Variants in GPR39 observed in about 807,000 individuals in gnomAD.
GPR39 encodes the protein G protein-coupled receptor 39, also known as zinc sensing receptor.
Under a neutral mutation model 18.4 loss-of-function variants are expected in GPR39, and 23 were observed. The observed-to-expected ratio is 1.25, with a 90% CI of 0.90 to 1.77. The LOEUF (loss-of-function observed/expected upper bound fraction) is 1.77. GPR39 is among the 40% of genes most tolerant of loss of function. The probability of loss-of-function intolerance (pLI) is 0.00; values close to 1 mark genes in which losing one functional copy is unlikely to be tolerated. For synonymous variants in GPR39, 280 were observed against 257.9 expected (o/e 1.09, Z -0.82); for missense variants, 647 against 602.4 (o/e 1.07, Z -0.78).
At chr2:132,493,502 C>A (rs957428157) in intron 1 of GPR39, among the ~76,000 whole-genome samples, 1 of 58,658 alleles carries the variant, frequency 1.7e-5, no homozygotes, top group Non-Finnish European at 3.1e-5. Flanking sequence ...TATATATATA[C>A]ACCATATATA....
intron 1 of GPR39, among the ~76,000 whole-genome samples, chr2:132,551,152 T>C (rs1438282025): frequency 6.6e-6 from 1 of 152,132 alleles, no homozygotes; most frequent in East Asian, 1.9e-4. Flanking sequence ...GATGTTAGAG[T>C]TGATGTCTGA....
At chr2:132,628,878 T>G (rs1233907289) in intron 1 of GPR39, among the ~76,000 whole-genome samples, 3 of 152,124 alleles carry the variant, frequency 2.0e-5, no homozygotes, top group Non-Finnish European at 4.4e-5. Flanking sequence ...AATAAACACA[T>G]ATTGAGTCCC....
chr2:132,636,875 C>T (rs1258470829), intron 1 of GPR39, among the ~76,000 whole-genome samples: 3 of 152,184 alleles, frequency 2.0e-5, no homozygotes, highest in Non-Finnish European at 4.4e-5. Context: ...TCTGCAGCTT[C>T]CCCGGTGGGC....
intron 1 of GPR39, among the ~76,000 whole-genome samples, chr2:132,606,472 A>AG (rs34565708): frequency 9.9e-5 from 15 of 152,184 alleles, no homozygotes; most frequent in Admixed American, 9.8e-4. Context: ...CCAAACCCCA[A>AG]GGGGGAGCAT....
At chr2:132,549,488 G>A (rs1466232914) in intron 1 of GPR39, among the ~76,000 whole-genome samples, 2 of 152,098 alleles carry the variant, frequency 1.3e-5, no homozygotes, top group Non-Finnish European at 2.9e-5. Flanking sequence ...GGTGATTTCT[G>A]TAATTAAGAG....
intron 1 of GPR39, among the ~76,000 whole-genome samples, chr2:132,540,369 G>A (rs774487837): frequency 1.3e-5 from 2 of 152,100 alleles, no homozygotes; most frequent in Non-Finnish European, 2.9e-5. Flanking sequence ...GGAGAGCGAC[G>A]GTCAGGAAGG....
intron 1 of GPR39, among the ~76,000 whole-genome samples, chr2:132,561,577 T>TACACACACACAC (rs55653432): frequency 8.1e-5 from 12 of 147,872 alleles, no homozygotes; most frequent in African/African-American, 2.7e-4. Context: ...AATATGAGTG[T>TACACACACACAC]ACACACACAC....
At chr2:132,536,511 G>A (rs563941947) in intron 1 of GPR39, among the ~76,000 whole-genome samples, 1 of 152,326 alleles carries the variant, frequency 6.6e-6, no homozygotes, top group African/African-American at 2.4e-5. Context: ...TTTAGAAGAA[G>A]TGCCATGTGC....
intron 1 of GPR39, among the ~76,000 whole-genome samples, chr2:132,492,599 A>T (rs1681502981): frequency 7.3e-6 from 1 of 137,566 alleles, no homozygotes; most frequent in South Asian, 2.3e-4. Context: ...TATATATACC[A>T]TATATACACA....
intron 1 of GPR39, among the ~76,000 whole-genome samples, chr2:132,600,524 A>G (rs1379610837): frequency 6.6e-6 from 1 of 152,156 alleles, no homozygotes; most frequent in Non-Finnish European, 1.5e-5. Context: ...GAAAAAGGAG[A>G]CATTACAACT....
intron 1 of GPR39, among the ~76,000 whole-genome samples, chr2:132,630,683 A>G (rs1220478546): frequency 6.6e-6 from 1 of 152,190 alleles, no homozygotes; most frequent in African/African-American, 2.4e-5. Context: ...AGATGATGGT[A>G]GTAGCCCCAA....
At chr2:132,541,522 T>G (rs929211680) in intron 1 of GPR39, among the ~76,000 whole-genome samples, 1 of 152,184 alleles carries the variant, frequency 6.6e-6, no homozygotes, top group Non-Finnish European at 1.5e-5. Flanking sequence ...TCCATACCGC[T>G]CTCTCCTTCC....
At chr2:132,521,221 G>T (rs562232079) in intron 1 of GPR39, among the ~76,000 whole-genome samples, 1 of 152,320 alleles carries the variant, frequency 6.6e-6, no homozygotes, top group East Asian at 1.9e-4. Flanking sequence ...CCTCGGTCAC[G>T]TGGGCACTGC....
intron 1 of GPR39, among the ~76,000 whole-genome samples, chr2:132,494,639 T>G (rs1371987587): frequency 6.6e-6 from 1 of 152,304 alleles, no homozygotes; most frequent in East Asian, 1.9e-4. Flanking sequence ...TATGCTGTGG[T>G]CACAGAAATG....
At chr2:132,476,141 A>G (rs942510307) in intron 1 of GPR39, among the ~76,000 whole-genome samples, 6 of 152,100 alleles carry the variant, frequency 3.9e-5, no homozygotes, top group African/African-American at 1.4e-4. Flanking sequence ...ATTCATGGAT[A>G]CTGAAGGAAG....
intron 1 of GPR39, among the ~76,000 whole-genome samples, chr2:132,641,501 C>G (rs1413262193): frequency 1.3e-5 from 2 of 152,080 alleles, no homozygotes; most frequent in African/African-American, 4.8e-5. Context: ...TGGGTGCTGT[C>G]CAATACTGTA....
chr2:132,625,623 G>A (rs1483374513), intron 1 of GPR39, among the ~76,000 whole-genome samples: 1 of 152,162 alleles, frequency 6.6e-6, no homozygotes, highest in Non-Finnish European at 1.5e-5. Flanking sequence ...GCTTTATAGG[G>A]CTTTCAGTTC....
chr2:132,591,505 T>G (rs1484498649), intron 1 of GPR39, among the ~76,000 whole-genome samples: 1 of 152,132 alleles, frequency 6.6e-6, no homozygotes, highest in Non-Finnish European at 1.5e-5. Context: ...ACTGGCTTCC[T>G]TGCTCCTCAG....
chr2:132,564,029 T>TC (rs1157443405), intron 1 of GPR39, among the ~76,000 whole-genome samples: 3 of 152,174 alleles, frequency 2.0e-5, no homozygotes, highest in Non-Finnish European at 2.9e-5. Context: ...AAGCACATCC[T>TC]CCCACAGCCT....
Sources: gnomAD v4.1 joint callset for allele counts (sites outside exome capture counted in the v4.1 genomes callset) on GRCh38, gnomAD v4.1.1 for gene constraint, MANE v1.5 for transcripts, NCBI Gene and HGNC (gene_info 2026-07-23, HGNC 2026-07-21) for gene names.